The following C8orf34 variants were observed in gnomAD, a reference collection of about 807,000 sequenced individuals.
C8orf34 encodes the protein chromosome 8 open reading frame 34, also known as uncharacterized protein C8orf34.
A neutral mutation model predicts 68.3 loss-of-function variants in C8orf34; 65 were observed. That is an observed-to-expected ratio of 0.95 (90% CI 0.78 to 1.17). The LOEUF (loss-of-function observed/expected upper bound fraction) is 1.17, where lower values mean the gene tolerates loss of function less well. C8orf34 is among the 50% of genes most tolerant of loss of function. The pLI is 0.00. For synonymous variants in C8orf34, 244 were observed against 241.2 expected, an observed-to-expected ratio of 1.01 and a Z score of -0.11; for missense variants, 664 against 655.4, an observed-to-expected ratio of 1.01 and a Z score of -0.14.
At chr8:68,595,052 T>C (rs4236963) in intron 7 of C8orf34, among the ~76,000 whole-genome samples, 88,957 of 150,650 alleles carry the variant, frequency 0.59, 26,509 homozygotes, top group African/African-American at 0.64. Flanking sequence ...CCCCTTTGAG[T>C]GCCCAACAGC....
At chr8:68,636,082 G>A (rs868604190) in intron 7 of C8orf34, among the ~76,000 whole-genome samples, 2 of 152,130 alleles carry the variant, frequency 1.3e-5, no homozygotes, top group Admixed American at 6.5e-5. Context: ...TGTTCTGATT[G>A]GAAGTTGTTG....
At chr8:68,623,568 A>G (rs983881066) in intron 7 of C8orf34, among the ~76,000 whole-genome samples, 1 of 152,216 alleles carries the variant, frequency 6.6e-6, no homozygotes. Context: ...CATTTAGTCC[A>G]TTTGGCTGAA....
At chr8:68,639,187 C>T (rs781096620) in intron 7 of C8orf34, among the ~76,000 whole-genome samples, 16 of 151,932 alleles carry the variant, frequency 1.1e-4, no homozygotes, top group Non-Finnish European at 1.5e-4. Context: ...CACCTAGGCT[C>T]TTAAACAAGG....
intron 1 of C8orf34, among the ~76,000 whole-genome samples, chr8:68,338,657 C>G (rs1300939770): frequency 6.6e-6 from 1 of 151,942 alleles, no homozygotes; most frequent in Non-Finnish European, 1.5e-5. Context: ...AGCATGTTAC[C>G]AATTTTTATT....
chr8:68,415,627 A>G (rs558985996), intron 1 of C8orf34, among the ~76,000 whole-genome samples: 260 of 152,346 alleles, frequency 1.7e-3, no homozygotes, highest in Non-Finnish European at 3.1e-3. Flanking sequence ...TCCAGAAGCC[A>G]ATAGTGCCAT....
At chr8:68,764,372 G>C (rs1210662550) in intron 10 of C8orf34, among the ~76,000 whole-genome samples, 1 of 152,206 alleles carries the variant, frequency 6.6e-6, no homozygotes, top group Non-Finnish European at 1.5e-5. Context: ...TGACCTCTTG[G>C]CCCAGGCCTT....
intron 7 of C8orf34, among the ~76,000 whole-genome samples, chr8:68,610,861 G>GTTTTTGTTTT (rs767393143): frequency 1.7e-5 from 2 of 120,476 alleles, no homozygotes; most frequent in African/African-American, 6.9e-5. Context: ...TGAATCTTTG[G>GTTTTTGTTTT]TTTTTTTTTT....
chr8:68,522,997 G>A (rs1022165780), intron 6 of C8orf34, among the ~76,000 whole-genome samples: 5 of 152,052 alleles, frequency 3.3e-5, no homozygotes, highest in Admixed American at 2.6e-4. Flanking sequence ...GGTTCTTTGC[G>A]GTGACTTATC....
At chr8:68,488,758 C>G (rs1364016755) in intron 5 of C8orf34, among the ~76,000 whole-genome samples, 1 of 152,022 alleles carries the variant, frequency 6.6e-6, no homozygotes, top group Non-Finnish European at 1.5e-5. Context: ...TTTGAATTGC[C>G]TATTAAACAT....
intron 12 of C8orf34, among the ~76,000 whole-genome samples, chr8:68,801,934 A>G (rs1824338675): frequency 6.6e-6 from 1 of 151,926 alleles, no homozygotes; most frequent in Admixed American, 6.6e-5. Flanking sequence ...TCTCTCTCAC[A>G]CAGGCATGTG....
intron 8 of C8orf34, among the ~76,000 whole-genome samples, chr8:68,641,763 G>T (rs1436826576): frequency 3.3e-5 from 5 of 152,090 alleles, no homozygotes; most frequent in Non-Finnish European, 7.4e-5. Context: ...ATCTATTGAG[G>T]ATTTGAACTG....
chr8:68,666,146 G>A (rs532574072), intron 8 of C8orf34, among the ~76,000 whole-genome samples: 11 of 152,284 alleles, frequency 7.2e-5, no homozygotes, highest in African/African-American at 2.6e-4. Flanking sequence ...TGCCACACAA[G>A]CTGTAAGTAG....
In C8orf34 at chr8:68,706,815, G is replaced by C. The variant is rs561869023; in HGVS notation, c.1242-2179G>C. Among the ~76,000 whole-genome samples, 26 of 152,288 alleles carry C rather than the reference G, an allele frequency of 1.7e-4. 1 individual carries two copies. The highest frequency in any genetic ancestry group is 1.6e-3 in the Admixed American group (24 of 15,294). Reference sequence around the variant, plus strand: ...CCCAAGTTGTTGCAGGCAGAGAGAAGAAAGTTATACATAATCCTGTGCTAT... The same window carrying C: ...CCCAAGTTGTTGCAGGCAGAGAGAACAAAGTTATACATAATCCTGTGCTAT... On this transcript the variant is annotated intron_variant, in intron 8 of 13. Coordinates refer to ENST00000518698, the MANE Select transcript of C8orf34 (RefSeq NM_052958.4).
chr8:68,350,717 G>A (rs923111599), intron 1 of C8orf34, among the ~76,000 whole-genome samples: 25 of 151,976 alleles, frequency 1.6e-4, no homozygotes, highest in African/African-American at 6.0e-4. Context: ...ATGTTTGTTG[G>A]TTTGAAATCT....
chr8:68,520,537 A>G (rs1330610471), intron 5 of C8orf34, among the ~76,000 whole-genome samples: 3 of 150,996 alleles, frequency 2.0e-5, no homozygotes, highest in South Asian at 2.1e-4. Flanking sequence ...TGCAAGCTCC[A>G]CCTCCCGGGT....
intron 7 of C8orf34, among the ~76,000 whole-genome samples, chr8:68,557,333 A>G (rs375038667): frequency 9.8e-5 from 15 of 152,348 alleles, no homozygotes; most frequent in African/African-American, 3.6e-4. Flanking sequence ...TTTTCTAATT[A>G]GCTAATCCTT....
chr8:68,349,915 C>A lies in C8orf34; in HGVS notation c.327+18576C>A, dbSNP rs369310139. The stretch of plus-strand genomic sequence containing the variant: ...TATTAATTTTTTTCAAAAAAATCAA[C>A]TCCTGGTTTGGTTGATCTTTTGAAA... On this transcript the variant is annotated intron_variant, in intron 1 of 13. Transcript: ENST00000518698. Among the ~76,000 whole-genome samples the A allele has an allele frequency of 6.9e-4, 104 of 151,630 alleles. 4 individuals carry two copies. The South Asian group carries it at 0.02, about 30-fold the overall frequency.
At chr8:68,775,617 G>A (rs4374973) in intron 10 of C8orf34, among the ~76,000 whole-genome samples, 75,479 of 152,044 alleles carry the variant, frequency 0.5, 21,242 homozygotes, top group African/African-American at 0.77. Context: ...AAGGTTAATT[G>A]TCTGTCCTCT....
chr8:68,616,349 C>T (rs895399822), intron 7 of C8orf34, among the ~76,000 whole-genome samples: 1 of 152,008 alleles, frequency 6.6e-6, no homozygotes, highest in Admixed American at 6.6e-5. Context: ...AATGTGTTTG[C>T]TCTTGCTTTT....
Sources: gnomAD v4.1 joint callset for allele counts (sites outside exome capture counted in the v4.1 genomes callset) on GRCh38, gnomAD v4.1.1 for gene constraint, MANE v1.5 for transcripts, NCBI Gene and HGNC (gene_info 2026-07-23, HGNC 2026-07-21) for gene names.